Variants in LRRN2 observed in about 807,000 individuals in gnomAD.
LRRN2 encodes the protein leucine rich repeat neuronal 2.
Under a neutral mutation model 35.7 loss-of-function variants are expected in LRRN2, and 10 were observed. The ratio of observed to expected loss-of-function variants is 0.28; its 90% confidence interval spans 0.17 to 0.47. The LOEUF (loss-of-function observed/expected upper bound fraction) is 0.47, where lower values mean the gene tolerates loss of function less well. LRRN2 is among the 20% of genes least tolerant of loss of function. The probability of loss-of-function intolerance (pLI) is 0.99; values close to 1 mark genes in which losing one functional copy is unlikely to be tolerated. For missense variants in LRRN2, 731 were observed against 940.3 expected, an observed-to-expected ratio of 0.78 and a Z score of 2.91; for synonymous variants, 391 against 409.6, an observed-to-expected ratio of 0.95 and a Z score of 0.55.
chr1:204,641,421 G>C (rs1209034837), intron 1 of LRRN2, among the ~76,000 whole-genome samples: 1 of 152,048 alleles, frequency 6.6e-6, no homozygotes, highest in South Asian at 2.1e-4. Context: ...CATTGTTTAG[G>C]TTGACACCAG....
chr1:204,659,465 G>A (rs1668425857), intron 1 of LRRN2, among the ~76,000 whole-genome samples: 1 of 152,160 alleles, frequency 6.6e-6, no homozygotes, highest in African/African-American at 2.4e-5. Context: ...GAGGGAGAGG[G>A]TAAGCCTGTT....
intron 1 of LRRN2, among the ~76,000 whole-genome samples, chr1:204,652,260 GCCCCCC>G (rs57390819): frequency 1.7e-5 from 1 of 60,458 alleles, no homozygotes; most frequent in African/African-American, 9.6e-5. Flanking sequence ...CCTCTTCACC[GCCCCCC>G]CCCCGCCCCC....
intron 1 of LRRN2, among the ~76,000 whole-genome samples, chr1:204,643,628 A>C (rs568489451): frequency 9.1e-4 from 139 of 152,164 alleles, no homozygotes; most frequent in Non-Finnish European, 1.7e-3. Context: ...GGCCGCCTCT[A>C]ATCCAGAGGC....
intron 1 of LRRN2, 96 bp downstream of exon 1, chr1:204,685,215 GGCCGCTCCC>G (rs1345999909): frequency 6.6e-6 from 1 of 152,378 alleles, no homozygotes; most frequent in Non-Finnish European, 1.5e-5. Context: ...CGGCTGCTCC[GGCCGCTCCC>G]GCCGCGTACG....
chr1:204,665,029 C>T (rs1571676444), intron 1 of LRRN2, among the ~76,000 whole-genome samples: 1 of 152,156 alleles, frequency 6.6e-6, no homozygotes, highest in East Asian at 1.9e-4. Context: ...ACCCTCTCTA[C>T]CCCAATACTG....
In LRRN2 at chr1:204,665,937, G is replaced by A. The variant is rs1026109738; in HGVS notation, c.-227+19383C>T. Among the ~76,000 whole-genome samples, 12 of 152,276 alleles carry A rather than the reference G, an allele frequency of 7.9e-5. No homozygotes were observed. The East Asian group carries it at 1.2e-3, about 15-fold the overall frequency. On this transcript the variant is annotated intron_variant, in intron 1 of 1. Transcript: ENST00000367177. Reference sequence around the variant, plus strand: ...TTTTCAGCTTAGCATGGACACTTTCGGAACCCAACCAATTGTTTCTGCAGA... The same window carrying A: ...TTTTCAGCTTAGCATGGACACTTTCAGAACCCAACCAATTGTTTCTGCAGA...
intron 1 of LRRN2, among the ~76,000 whole-genome samples, chr1:204,646,869 G>T (rs917911774): frequency 6.6e-6 from 1 of 152,170 alleles, no homozygotes; most frequent in South Asian, 2.1e-4. Flanking sequence ...GAAAGACTTA[G>T]GTTCAAATCC....
chr1:204,657,530 A>C (rs1668386573), intron 1 of LRRN2, among the ~76,000 whole-genome samples: 1 of 152,106 alleles, frequency 6.6e-6, no homozygotes, highest in African/African-American at 2.4e-5. Flanking sequence ...CAGAATAAGC[A>C]AATCTATAGA....
intron 1 of LRRN2, among the ~76,000 whole-genome samples, chr1:204,664,843 G>A (rs184773654): frequency 3.4e-4 from 52 of 152,208 alleles, no homozygotes; most frequent in Non-Finnish European, 1.5e-4. Context: ...GTCCTCTGCC[G>A]TCCGGCAGGC....
intron 1 of LRRN2, among the ~76,000 whole-genome samples, chr1:204,638,056 T>C (rs1421895454): frequency 6.6e-6 from 1 of 152,160 alleles, no homozygotes; most frequent in Non-Finnish European, 1.5e-5. Flanking sequence ...CGTGAAAGCA[T>C]TCACTGAGCG....
In LRRN2 at chr1:204,620,205, C is replaced by T. The variant is rs1388887773; in HGVS notation, c.-213G>A. On this transcript the variant is annotated 5_prime_UTR_variant, in exon 2 of 2. The change abolishes an upstream ATG in the 5' untranslated region. Coordinates refer to ENST00000367177, the MANE Select transcript of LRRN2 (RefSeq NM_201630.2). ...GGCCTGCTCAGTCATTGCCAGGCCCCATCAGGGGCAGCCCTGGAAGAAGAG... is the reference window on the plus strand; with the variant it reads ...GGCCTGCTCAGTCATTGCCAGGCCCTATCAGGGGCAGCCCTGGAAGAAGAG... 1 of 1,440,124 alleles carries T rather than the reference C, an allele frequency of 6.9e-7. No homozygotes were observed. Among genetic ancestry groups the T allele is most frequent in the African/African-American group, 1.4e-5 (1 of 69,472 alleles). 89.2% of individuals were successfully genotyped at this position (1,440,124 alleles called of 1,614,324 possible).
chr1:204,630,272 C>T (rs58145004), intron 1 of LRRN2, among the ~76,000 whole-genome samples: 4,302 of 142,104 alleles, frequency 0.03, 88 homozygotes, highest in Middle Eastern at 0.068. Flanking sequence ...CTCCAAGTGT[C>T]AGTGGTACTG....
In LRRN2 at chr1:204,649,146, G is replaced by A. The variant is rs1348450220; in HGVS notation, c.-226-28928C>T. Among the ~76,000 whole-genome samples, 9 of 152,204 alleles carry A rather than the reference G, an allele frequency of 5.9e-5. No homozygotes were observed. In the South Asian group the frequency reaches 1.0e-3, roughly 17 times the overall value. On this transcript the variant is annotated intron_variant, in intron 1 of 1. Transcript: ENST00000367177. ...CTAACTAAACTCTTCAACCAGTGGC[G>A]GCGACTCAAAGAGGTGAATGAGCAC...
intron 1 of LRRN2, among the ~76,000 whole-genome samples, chr1:204,671,642 T>TAA (rs35192809): frequency 0.092 from 2,795 of 30,232 alleles, 727 homozygotes; most frequent in Middle Eastern, 0.2. Context: ...TAATTGATGG[T>TAA]AAAAAAAAAA....
rs78842544 is a variant in LRRN2 at position 204,674,396 on chromosome 1, G to A, written c.-227+10924C>T. 0.011 allele frequency among the ~76,000 whole-genome samples: 1,721 copies of A among 152,044 alleles called. 60 individuals are homozygous for A. In the East Asian group the frequency reaches 0.13, roughly 11 times the overall value. On this transcript the variant is annotated intron_variant, in intron 1 of 1. Transcript: ENST00000367177. The stretch of plus-strand genomic sequence containing the variant: ...CCAATAAGTCATTAGAAACCAGAAC[G>A]GCAAATGTGAGGTTGCCATGGAGAC...
chr1:204,659,904 G>T (rs1316818926), intron 1 of LRRN2, among the ~76,000 whole-genome samples: 1 of 152,126 alleles, frequency 6.6e-6, no homozygotes, highest in Non-Finnish European at 1.5e-5. Context: ...GAGACCCAGG[G>T]ACTAAGAACT....
intron 1 of LRRN2, among the ~76,000 whole-genome samples, chr1:204,630,548 C>T (rs913120605): frequency 2.6e-5 from 4 of 152,102 alleles, no homozygotes; most frequent in South Asian, 2.1e-4. Context: ...GTCCTGGTCT[C>T]GGGGGCGCTG....
chr1:204,678,287 T>C (rs1425104385), intron 1 of LRRN2, among the ~76,000 whole-genome samples: 1 of 152,146 alleles, frequency 6.6e-6, no homozygotes, highest in Non-Finnish European at 1.5e-5. Flanking sequence ...TTTTATTTCC[T>C]TCCCAACCTC....
At chr1:204,645,206 T>G (rs916916238) in intron 1 of LRRN2, among the ~76,000 whole-genome samples, 1 of 152,256 alleles carries the variant, frequency 6.6e-6, no homozygotes, top group East Asian at 1.9e-4. Flanking sequence ...GCGGCTTATT[T>G]GCCCAGAGGC....
Sources: allele counts gnomAD v4.1 joint callset (sites outside exome capture counted in the v4.1 genomes callset), GRCh38; gene constraint gnomAD v4.1.1; transcripts MANE v1.5; gene names NCBI Gene and HGNC (gene_info 2026-07-23, HGNC 2026-07-21).